DGLUCY: variants seen among roughly 807,000 people sequenced by gnomAD.
The protein encoded by DGLUCY is D-glutamate cyclase, mitochondrial.
Under a neutral mutation model 58.5 loss-of-function variants are expected in DGLUCY, and 58 were observed. That is an observed-to-expected ratio of 0.99 (90% CI 0.80 to 1.23). The LOEUF (loss-of-function observed/expected upper bound fraction) is 1.23, where lower values mean the gene tolerates loss of function less well. Among genes scored for constraint, DGLUCY ranks in the 50% most tolerant of loss-of-function variants. The pLI is 0.00. For synonymous variants in DGLUCY, 325 were observed against 314.1 expected (o/e 1.03, Z -0.37); for missense variants, 779 against 784.7 (o/e 0.99, Z 0.09).
intron 1 of DGLUCY, among the ~76,000 whole-genome samples, chr14:91,148,295 C>T (rs1020768635): frequency 6.6e-6 from 1 of 151,718 alleles, no homozygotes; most frequent in Non-Finnish European, 1.5e-5. Flanking sequence ...ACCTCCACCC[C>T]CAAGGCTCAA....
At chr14:91,213,985 CCA>C (rs1886124445) in intron 12 of DGLUCY, among the ~76,000 whole-genome samples, 1 of 152,024 alleles carries the variant, frequency 6.6e-6, no homozygotes, top group Non-Finnish European at 1.5e-5. Context: ...CAGGCTTGAG[CCA>C]CCGTGCCCGG....
At chr14:91,101,770 A>G (rs953903447) in intron 1 of DGLUCY, among the ~76,000 whole-genome samples, 2 of 152,228 alleles carry the variant, frequency 1.3e-5, no homozygotes, top group Admixed American at 1.3e-4. Context: ...ATGCAGTGGC[A>G]TGATCACAGT....
chr14:91,081,913 CCT>C (rs2044134186), intron 1 of DGLUCY, among the ~76,000 whole-genome samples: 1 of 151,808 alleles, frequency 6.6e-6, no homozygotes, highest in East Asian at 1.9e-4. Flanking sequence ...GCCTCTCCAG[CCT>C]CTGTTTCTGT....
Position 91,196,412 on chromosome 14 carries a change from A to G in DGLUCY, c.1233A>G (p.Gln411=). Residue 411 remains glutamine (Q), a synonymous_variant, in exon 10 of 14, where the codon CAA becomes CAG. Transcript: ENST00000256324. ...LKTQIPILTY[Q]GGSVEAAQAF... is the part of the protein sequence containing the mutation. ...CGCAGATCCCGATATTAACTTACCA[A>G]GGTGGATCAGTGGAAGCTGCTCAGG... The G allele has an allele frequency of 1.2e-6, 2 of 1,614,104 alleles. No homozygotes were observed. The highest frequency in any genetic ancestry group is 2.2e-5 in the East Asian group (1 of 44,882).
At position 91,075,745 on chromosome 14, in the gene DGLUCY, G is replaced by A. The variant is rs192622473; in HGVS notation, c.-82+15041G>A. Among the ~76,000 whole-genome samples the A allele has an allele frequency of 8.4e-3, 904 of 107,456 alleles. 4 individuals carry two copies. The highest frequency in any genetic ancestry group is 0.021 in the Admixed American group (231 of 11,190). 70.5% of individuals were successfully genotyped at this position (107,456 alleles called of 152,430 possible). A position where few individuals can be genotyped will look rare whatever the true frequency, so the allele number is the denominator to read the frequency against. On this transcript the variant is annotated intron_variant, in intron 1 of 4. Coordinates refer to the DGLUCY transcript ENST00000521334. ...CCAAAGAAGCAATCAGCACTAGCCC[G>A]GGTGGTTCATTTCCTTATTTATTCA...
chr14:91,076,233 G>T (rs987919702), intron 1 of DGLUCY, among the ~76,000 whole-genome samples: 1 of 152,030 alleles, frequency 6.6e-6, no homozygotes, highest in Non-Finnish European at 1.5e-5. Context: ...TTAATTCCAG[G>T]ATCCCCAAGG....
At chr14:91,104,928 T>C (rs1479658159), upstream of DGLUCY, among the ~76,000 whole-genome samples, 5 of 152,250 alleles carry the variant, frequency 3.3e-5, no homozygotes, top group East Asian at 1.9e-4. Context: ...CATAGAGTTG[T>C]GATAACTGAA....
At chr14:91,122,997 C>T (rs1460566431) in intron 1 of DGLUCY, among the ~76,000 whole-genome samples, 1 of 152,148 alleles carries the variant, frequency 6.6e-6, no homozygotes, top group African/African-American at 2.4e-5. Context: ...GCCATAAAGA[C>T]AGATAAGACA....
At chr14:91,158,516 C>T (rs985460418) in intron 2 of DGLUCY, among the ~76,000 whole-genome samples, 1 of 152,174 alleles carries the variant, frequency 6.6e-6, no homozygotes, top group African/African-American at 2.4e-5. Context: ...CTGGGGTTTA[C>T]ATTATTTTCT....
intron 1 of DGLUCY, among the ~76,000 whole-genome samples, chr14:91,143,387 G>T (rs771018912): frequency 1.3e-5 from 2 of 152,064 alleles, no homozygotes; most frequent in Non-Finnish European, 2.9e-5. Context: ...GAGCCACCGC[G>T]CCTGGCAGCA....
chr14:91,070,436 C>T (rs2043895887), intron 1 of DGLUCY, among the ~76,000 whole-genome samples: 1 of 152,176 alleles, frequency 6.6e-6, no homozygotes, highest in African/African-American at 2.4e-5. Flanking sequence ...AGCCGATTGC[C>T]TCAAAGTCCT....
upstream of DGLUCY, among the ~76,000 whole-genome samples, chr14:91,107,757 G>A (rs570414244): frequency 5.9e-5 from 9 of 152,172 alleles, no homozygotes; most frequent in Admixed American, 3.9e-4. Context: ...ACAATGGAAT[G>A]GTATATCAGA....
chr14:91,183,068 T>C (rs2049285625), intron 8 of DGLUCY, among the ~76,000 whole-genome samples: 1 of 152,030 alleles, frequency 6.6e-6, no homozygotes, highest in South Asian at 2.1e-4. Flanking sequence ...CTTGGCTCAC[T>C]GTAACCTCCA....
At chr14:91,162,727 T>C (rs1487160753) in intron 3 of DGLUCY, among the ~76,000 whole-genome samples, 1 of 151,992 alleles carries the variant, frequency 6.6e-6, no homozygotes, top group Admixed American at 6.6e-5. Flanking sequence ...AGAAATCCCA[T>C]CTATACTAAA....
At chr14:91,145,109 G>A (rs1416972602) in intron 1 of DGLUCY, 1 of 152,156 alleles carries the variant, frequency 6.6e-6, no homozygotes, top group Non-Finnish European at 1.5e-5. Flanking sequence ...GGTTAGAAAA[G>A]AAGGGAGCCC....
At chr14:91,199,934 A>G (rs775378400) in intron 11 of DGLUCY, 29 bp downstream of exon 11, 6 of 1,613,364 alleles carry the variant, frequency 3.7e-6, no homozygotes, top group African/African-American at 1.3e-5. Context: ...GGATGCACCA[A>G]GAACGTGGCC....
chr14:91,174,014 G>A (rs1008707780), intron 6 of DGLUCY, among the ~76,000 whole-genome samples: 2 of 152,090 alleles, frequency 1.3e-5, no homozygotes, highest in African/African-American at 4.8e-5. Flanking sequence ...TTAGAGGGTT[G>A]GGACTTTCAG....
In DGLUCY at chr14:91,084,458, G is replaced by C. The variant is rs183974814; in HGVS notation, c.-82+23754G>C. On this transcript the variant is annotated intron_variant, in intron 1 of 4. Coordinates refer to the DGLUCY transcript ENST00000521334. ...GACCTCAAGTGACCCACCCATCTTGGCCACCCAAAGTGCTGGGATTACAGG... is the reference window on the plus strand; with the variant it reads ...GACCTCAAGTGACCCACCCATCTTGCCCACCCAAAGTGCTGGGATTACAGG... 2.0e-4 allele frequency among the ~76,000 whole-genome samples: 31 copies of C among 152,040 alleles called. 1 individual carries two copies. The Middle Eastern group carries it at 0.014, about 67-fold the overall frequency.
intron 1 of DGLUCY, among the ~76,000 whole-genome samples, chr14:91,138,584 T>A (rs1399756385): frequency 2.0e-5 from 3 of 152,178 alleles, no homozygotes; most frequent in African/African-American, 7.2e-5. Context: ...TGGGGAGGCC[T>A]CAGGAAACTT....
Sources: gnomAD v4.1 joint callset for allele counts (sites outside exome capture counted in the v4.1 genomes callset) on GRCh38, gnomAD v4.1.1 for gene constraint, MANE v1.5 for transcripts, NCBI Gene and HGNC (gene_info 2026-07-23, HGNC 2026-07-21) for gene names.